OLFM2: variants seen among roughly 807,000 people sequenced by gnomAD.
OLFM2 encodes olfactomedin 2.
In OLFM2, 20 loss-of-function variants were observed where a neutral mutation model predicts 43.9. The observed-to-expected ratio is 0.46, with a 90% CI of 0.32 to 0.66. OLFM2 has a LOEUF of 0.66. Among genes scored for constraint, OLFM2 ranks in the 30% least tolerant of loss-of-function variants. OLFM2 has a pLI of 0.04. For synonymous variants in OLFM2, 268 were observed against 278.6 expected (o/e 0.96, Z 0.38); for missense variants, 416 against 643.6 (o/e 0.65, Z 3.83).
intron 1 of OLFM2, among the ~76,000 whole-genome samples, chr19:9,910,423 T>C (rs2046818530): frequency 6.6e-6 from 1 of 152,028 alleles, no homozygotes; most frequent in Non-Finnish European, 1.5e-5. Context: ...AGGCACTTGA[T>C]AGTCTTGTGG....
In OLFM2 at chr19:9,863,054, G is replaced by A. The variant is rs145620769; in HGVS notation, c.64-2260C>T. On this transcript the variant is annotated intron_variant, in intron 1 of 5. Coordinates refer to ENST00000264833, the MANE Select transcript of OLFM2 (RefSeq NM_058164.4). Reference sequence around the variant, plus strand: ...GGGTGACTGGCTTGGGCTTGCACACGTAGGCGTCGTTTGTTCAAAACCTGA... The same window carrying A: ...GGGTGACTGGCTTGGGCTTGCACACATAGGCGTCGTTTGTTCAAAACCTGA... 1.1e-3 allele frequency among the ~76,000 whole-genome samples: 172 copies of A among 151,816 alleles called. 1 individual carries two copies. The highest frequency in any genetic ancestry group is 2.0e-3 in the Admixed American group (31 of 15,220).
At chr19:9,904,337 T>A (rs1257353351) in intron 1 of OLFM2, among the ~76,000 whole-genome samples, 1 of 152,058 alleles carries the variant, frequency 6.6e-6, no homozygotes, top group East Asian at 2.0e-4. Flanking sequence ...ATTATAGGCA[T>A]GTACCACCAC....
At chr19:9,890,146 G>A (rs1452073221) in intron 1 of OLFM2, among the ~76,000 whole-genome samples, 2 of 152,092 alleles carry the variant, frequency 1.3e-5, no homozygotes, top group African/African-American at 4.8e-5. Context: ...CTGGCAAGAC[G>A]GGGAAGGCGC....
chr19:9,913,953 C>A, intron 1 of OLFM2: 1 of 149,236 alleles, frequency 6.7e-6, no homozygotes. Flanking sequence ...GCCCCCACCC[C>A]CCACCCCACG....
At chr19:9,871,970 G>A (rs1489956313) in intron 1 of OLFM2, among the ~76,000 whole-genome samples, 2 of 152,174 alleles carry the variant, frequency 1.3e-5, no homozygotes, top group Non-Finnish European at 2.9e-5. Context: ...GTTCGTCCTA[G>A]GGAAGGATCA....
chr19:9,923,366 C>A (rs1364100581), intron 1 of OLFM2, among the ~76,000 whole-genome samples: 1 of 151,572 alleles, frequency 6.6e-6, no homozygotes, highest in African/African-American at 2.4e-5. Flanking sequence ...ACCAGCCTGG[C>A]CAACATGGTG....
At chr19:9,862,878 G>A (rs2046374214) in intron 1 of OLFM2, among the ~76,000 whole-genome samples, 1 of 151,646 alleles carries the variant, frequency 6.6e-6, no homozygotes, top group Non-Finnish European at 1.5e-5. Context: ...GGGAGCCTGA[G>A]GCAGGAGAAT....
chr19:9,888,838 G>A (rs934135079), intron 1 of OLFM2, among the ~76,000 whole-genome samples: 5 of 151,946 alleles, frequency 3.3e-5, no homozygotes, highest in Non-Finnish European at 5.9e-5. Context: ...AGGCCGAGGC[G>A]GGCGGATCAC....
At chr19:9,902,382 CTTTTT>C (rs376869987) in intron 1 of OLFM2, among the ~76,000 whole-genome samples, 6 of 122,660 alleles carry the variant, frequency 4.9e-5, no homozygotes, top group Non-Finnish European at 6.8e-5. Flanking sequence ...TTGCCTTCAT[CTTTTT>C]TTTTTTTTTT....
intron 1 of OLFM2, among the ~76,000 whole-genome samples, chr19:9,907,997 T>A (rs2046798018): frequency 6.6e-6 from 1 of 151,990 alleles, no homozygotes; most frequent in Non-Finnish European, 1.5e-5. Flanking sequence ...AGGGTGAGAC[T>A]TGATCTCAAA....
chr19:9,891,897 G>A (rs886665423), intron 1 of OLFM2, among the ~76,000 whole-genome samples: 8 of 152,170 alleles, frequency 5.3e-5, no homozygotes, highest in African/African-American at 1.9e-4. Flanking sequence ...AGGTTTATGT[G>A]TGTGAGCATC....
At position 9,936,352 on chromosome 19, in the gene OLFM2, C is replaced by A. The variant is rs578079152; in HGVS notation, c.15G>T (p.Thr5=). The A allele has an allele frequency of 1.3e-6, 2 of 1,500,738 alleles. No individual in the cohort carries two copies. Among genetic ancestry groups the A allele is most frequent in the South Asian group, 1.2e-5 (1 of 80,750 alleles). 93.0% of individuals were successfully genotyped at this position (1,500,738 alleles called of 1,614,324 possible). A position where few individuals can be genotyped will look rare whatever the true frequency, so the allele number is the denominator to read the frequency against. ...GCAGCAGCAGCAGCGGCGGCGGGAC[C>A]GTGAGCGGCCACATGACGCGCCCCT... MWPL[T]VPPPLLLLLC... is the part of the protein sequence containing the mutation. The change falls in exon 1 of 6, where the codon ACG becomes ACT. Residue 5 remains threonine (T), a synonymous_variant. Transcript: ENST00000264833.
In OLFM2 at chr19:9,875,626, G is replaced by C. The variant is rs2046480261; in HGVS notation, c.64-14832C>G. On this transcript the variant is annotated intron_variant, in intron 1 of 5. Coordinates refer to ENST00000264833, the MANE Select transcript of OLFM2 (RefSeq NM_058164.4). ...CCACCTCAGCCTCCCGGGTAGCTGG[G>C]ACCACAGGCACTTACCAGCACATCT... is the stretch of plus-strand genomic sequence containing the variant. Among the ~76,000 whole-genome samples the C allele has an allele frequency of 2.6e-5, 4 of 151,164 alleles. No individual in the cohort carries two copies. The Admixed American group carries it at 2.7e-4, about 10-fold the overall frequency.
chr19:9,894,154 G>A (rs2046661421), intron 1 of OLFM2, among the ~76,000 whole-genome samples: 2 of 151,952 alleles, frequency 1.3e-5, no homozygotes, highest in South Asian at 2.1e-4. Context: ...TTAGCCGGCC[G>A]TGGTGGCGCA....
chr19:9,859,879 C>T (rs1001340861), intron 2 of OLFM2, among the ~76,000 whole-genome samples: 2 of 152,190 alleles, frequency 1.3e-5, no homozygotes, highest in East Asian at 1.9e-4. Flanking sequence ...CAGTGGCTCA[C>T]GCCTGTAATC....
chr19:9,901,157 AGAAAGAAAGGAAG>A (rs1185997211), intron 1 of OLFM2, among the ~76,000 whole-genome samples: 40 of 149,674 alleles, frequency 2.7e-4, no homozygotes, highest in Non-Finnish European at 1.0e-4. Flanking sequence ...GGAAAGAAAA[AGAAAGAAAGGAAG>A]GAAGGAAAAG....
At chr19:9,920,621 C>T (rs910148305) in intron 1 of OLFM2, among the ~76,000 whole-genome samples, 7 of 151,892 alleles carry the variant, frequency 4.6e-5, no homozygotes, top group African/African-American at 1.2e-4. Flanking sequence ...TGGGGCTAGG[C>T]GCGGTGGCTC....
At chr19:9,871,624 A>T (rs2046443168) in intron 1 of OLFM2, among the ~76,000 whole-genome samples, 2 of 150,646 alleles carry the variant, frequency 1.3e-5, no homozygotes, top group South Asian at 4.2e-4. Flanking sequence ...CCTGTAAGTG[A>T]TGTAGCTGGA....
At chr19:9,894,472 G>A (rs1274863840) in intron 1 of OLFM2, among the ~76,000 whole-genome samples, 1 of 136,204 alleles carries the variant, frequency 7.3e-6, no homozygotes. Context: ...CACTTTGGGA[G>A]GCTGAGGCGG....
Sources: allele counts gnomAD v4.1 joint callset (sites outside exome capture counted in the v4.1 genomes callset), GRCh38; gene constraint gnomAD v4.1.1; transcripts MANE v1.5; gene names NCBI Gene and HGNC (gene_info 2026-07-23, HGNC 2026-07-21).